NXN: variants seen among roughly 807,000 people sequenced by gnomAD.
The protein encoded by NXN is nucleoredoxin, also known as nucleoredoxin 1.
A neutral mutation model predicts 48.6 loss-of-function variants in NXN; 16 were observed. That is an observed-to-expected ratio of 0.33 (90% CI 0.22 to 0.50). The LOEUF (loss-of-function observed/expected upper bound fraction) is 0.50. Among genes scored for constraint, NXN ranks in the 20% least tolerant of loss-of-function variants. The pLI is 0.98. For synonymous variants in NXN, 281 were observed against 269.6 expected, an observed-to-expected ratio of 1.04 and a Z score of -0.41; for missense variants, 492 against 605.5, an observed-to-expected ratio of 0.81 and a Z score of 1.97.
rs2091952479 is a variant in NXN, at chr17:821,174, G to C, written c.713+1183C>G. 2.6e-5 allele frequency among the ~76,000 whole-genome samples: 2 copies of C among 77,168 alleles called. 1 individual carries two copies. Among genetic ancestry groups the C allele is most frequent in the South Asian group, 7.8e-4 (2 of 2,570 alleles). 50.6% of individuals were successfully genotyped at this position (77,168 alleles called of 152,430 possible). On this transcript the variant is annotated intron_variant, in intron 4 of 7. Transcript: ENST00000336868. ...AGCCCAGGATGGTGTGGACACCGCAGATACAACAATGTACAAAGTGCCCTG... is the reference window on the plus strand; with the variant it reads ...AGCCCAGGATGGTGTGGACACCGCACATACAACAATGTACAAAGTGCCCTG...
intron 1 of NXN, among the ~76,000 whole-genome samples, chr17:858,129 C>T (rs1277296189): frequency 1.3e-5 from 2 of 152,020 alleles, no homozygotes; most frequent in Non-Finnish European, 2.9e-5. Context: ...ACCACCACAC[C>T]TGGCTAACTT....
intron 1 of NXN, among the ~76,000 whole-genome samples, chr17:872,318 G>C (rs1305633092): frequency 1.3e-5 from 2 of 151,268 alleles, no homozygotes; most frequent in African/African-American, 4.9e-5. Context: ...GAGAGAGAGA[G>C]AGAGAGAAAC....
chr17:815,322 G>A (rs1164235266), intron 5 of NXN, among the ~76,000 whole-genome samples: 1 of 151,612 alleles, frequency 6.6e-6, no homozygotes, highest in Non-Finnish European at 1.5e-5. Flanking sequence ...TCTGTATGAT[G>A]AGGGCGAGTG....
intron 1 of NXN, among the ~76,000 whole-genome samples, chr17:943,352 G>A (rs545377212): frequency 2.0e-5 from 3 of 152,192 alleles, no homozygotes; most frequent in Non-Finnish European, 2.9e-5. Flanking sequence ...GAGGCTCCAC[G>A]GAGGTCGACT....
chr17:847,916 T>C (rs1460829294), intron 1 of NXN, among the ~76,000 whole-genome samples: 1 of 152,088 alleles, frequency 6.6e-6, no homozygotes, highest in Non-Finnish European at 1.5e-5. Flanking sequence ...AAGAAATAAA[T>C]ATAGGAGTAA....
chr17:949,660 T>G (rs62067251), intron 1 of NXN, among the ~76,000 whole-genome samples: 98 of 9,622 alleles, frequency 0.01, 17 homozygotes, highest in African/African-American at 0.014. Context: ...CTCTCCCCGT[T>G]GCCTCCTCCT....
At position 970,761 on chromosome 17, in the gene NXN, C is replaced by G. The variant is rs1053646057; in HGVS notation, c.360+8558G>C. 2.0e-5 allele frequency among the ~76,000 whole-genome samples: 3 copies of G among 152,290 alleles called. No homozygotes were observed. The Middle Eastern group carries it at 0.01, about 518-fold the overall frequency. ...TGTGACCCTGATCTAATAATCGGTG[C>G]TCTTTGCTTCAATTCTCCAGCTCTA... On this transcript the variant is annotated intron_variant, in intron 1 of 7. Transcript: ENST00000336868.
chr17:970,530 C>A (rs552527813), intron 1 of NXN, among the ~76,000 whole-genome samples: 2 of 152,076 alleles, frequency 1.3e-5, no homozygotes, highest in South Asian at 2.1e-4. Flanking sequence ...AAGCAACCAG[C>A]GAATGTTTCA....
rs182862588 is a variant in NXN at position 932,797 on chromosome 17, G to A, written c.360+46522C>T. Among the ~76,000 whole-genome samples, 2 of 152,246 alleles carry A rather than the reference G, an allele frequency of 1.3e-5. No individual in the cohort carries two copies. The highest frequency in any genetic ancestry group is 1.9e-4 in the East Asian group (1 of 5,172). On this transcript the variant is annotated intron_variant, in intron 1 of 7. Coordinates refer to ENST00000336868, the MANE Select transcript of NXN (RefSeq NM_022463.5). The surrounding 1 kb of genome is among the most constrained non-coding windows in gnomAD (Gnocchi z 4.1). ...GGCTTCGCATAAGTCATCTGCGCCC[G>A]CCACCACGCCAGGCTAATTTTTATA...
chr17:884,549 ACT>A (rs2068322102), intron 1 of NXN, among the ~76,000 whole-genome samples: 1 of 152,178 alleles, frequency 6.6e-6, no homozygotes, highest in South Asian at 2.1e-4. Context: ...GAAGGACAAC[ACT>A]CTGGACACAA....
chr17:863,447 G>C (rs1213350556), intron 1 of NXN, among the ~76,000 whole-genome samples: 1 of 152,096 alleles, frequency 6.6e-6, no homozygotes, highest in Non-Finnish European at 1.5e-5. Context: ...GATTACAGGT[G>C]TGAGCCACCA....
intron 1 of NXN, among the ~76,000 whole-genome samples, chr17:918,019 G>A (rs1458588303): frequency 1.3e-5 from 2 of 152,150 alleles, no homozygotes; most frequent in African/African-American, 2.4e-5. Context: ...AACTCACTCC[G>A]TATTTGCAGC....
intron 1 of NXN, among the ~76,000 whole-genome samples, chr17:884,054 T>C (rs1567847798): frequency 6.6e-6 from 1 of 151,190 alleles, no homozygotes; most frequent in African/African-American, 2.4e-5. Flanking sequence ...CTGTCTCTAC[T>C]AAAAAAAATA....
chr17:857,759 T>G (rs912004098), intron 1 of NXN, among the ~76,000 whole-genome samples: 16 of 152,166 alleles, frequency 1.1e-4, no homozygotes, highest in African/African-American at 3.9e-4. Context: ...CTAAGTGGAA[T>G]TCTTCACCGA....
intron 1 of NXN, among the ~76,000 whole-genome samples, chr17:873,054 TCTGA>T (rs1036723202): frequency 2.0e-5 from 3 of 152,236 alleles, no homozygotes; most frequent in Non-Finnish European, 2.9e-5. Flanking sequence ...GAGAATTCTC[TCTGA>T]CTGTCTTCCA....
rs984621126 is a variant in NXN, at chr17:830,381, A to G, written c.361-4303T>C. Among the ~76,000 whole-genome samples the G allele has an allele frequency of 1.3e-5, 2 of 152,164 alleles. No homozygotes were observed. Among genetic ancestry groups the G allele is most frequent in the African/African-American group, 4.8e-5 (2 of 41,450 alleles). On this transcript the variant is annotated intron_variant, in intron 1 of 7. Coordinates refer to ENST00000336868, the MANE Select transcript of NXN (RefSeq NM_022463.5). The surrounding 1 kb of genome is among the most constrained non-coding windows in gnomAD (Gnocchi z 4.2). ...CACCGAGAAGTAACAGAAAGAAAAC[A>G]GGGCGGGTAAGATCACGGCTGCAAC...
intron 1 of NXN, among the ~76,000 whole-genome samples, chr17:878,663 G>A (rs2068248144): frequency 6.6e-6 from 1 of 152,112 alleles, no homozygotes; most frequent in Non-Finnish European, 1.5e-5. Flanking sequence ...GACAGGGTGA[G>A]ACTGGAAGTT....
intron 1 of NXN, among the ~76,000 whole-genome samples, chr17:936,896 C>G (rs1043981812): frequency 1.3e-5 from 2 of 152,036 alleles, no homozygotes; most frequent in African/African-American, 4.8e-5. Context: ...CATCACAACA[C>G]CTATGGATAG....
In NXN at chr17:905,050, A is replaced by G. The variant is rs1410629267; in HGVS notation, c.360+74269T>C. 3 of 152,178 alleles carry G rather than the reference A, an allele frequency of 2.0e-5. No individual in the cohort carries two copies. In the East Asian group the frequency reaches 5.8e-4, roughly 29 times the overall value. 9.4% of individuals were successfully genotyped at this position (152,178 alleles called of 1,614,324 possible). On this transcript the variant is annotated intron_variant, in intron 1 of 7. Transcript: ENST00000336868. ...CGGATCTAACACACAGTCCCCAAAC[A>G]TACACTCTGCCAATGAATCAAGACT...
Sources: allele counts gnomAD v4.1 joint callset (sites outside exome capture counted in the v4.1 genomes callset), GRCh38; gene constraint gnomAD v4.1.1; non-coding constraint Gnocchi (gnomAD v3.1); transcripts MANE v1.5; gene names NCBI Gene and HGNC (gene_info 2026-07-23, HGNC 2026-07-21).